Variants in ZNF148 observed in about 807,000 individuals in gnomAD.
ZNF148 encodes Beta-Enolase Repressor Factor-1.
Under a neutral mutation model 67.7 loss-of-function variants are expected in ZNF148, and 7 were observed. That is an observed-to-expected ratio of 0.10 (90% CI 0.06 to 0.19). The LOEUF is 0.19. Among genes scored for constraint, ZNF148 ranks in the 10% least tolerant of loss-of-function variants. The pLI is 1.00. For missense variants in ZNF148, 583 were observed against 947.1 expected (o/e 0.62, Z 5.05); for synonymous variants, 333 against 330.7 (o/e 1.01, Z -0.08).
intron 1 of ZNF148, among the ~76,000 whole-genome samples, chr3:125,352,759 G>C (rs1942201541): frequency 6.6e-6 from 1 of 151,144 alleles, no homozygotes; most frequent in South Asian, 2.1e-4. Flanking sequence ...ATACAGATGT[G>C]ATTATTCTAA....
chr3:125,311,129 C>G lies in ZNF148; in HGVS notation c.333+2179G>C, dbSNP rs891196380. The stretch of plus-strand genomic sequence containing the variant: ...CCTTCTGGATGTTACAGAAGAGTAG[C>G]TCCATGGTTTGGATTAGCTGCAAAA... On this transcript the variant is annotated intron_variant, in intron 4 of 8. Transcript: ENST00000360647. 5.2e-5 allele frequency: 10 copies of G among 190,672 alleles called. No individual in the cohort carries two copies. The Middle Eastern group carries it at 3.9e-3, about 75-fold the overall frequency. The allele number at this position is 190,672 out of a possible 1,614,324, so 11.8% of individuals were successfully genotyped here.
intron 7 of ZNF148, among the ~76,000 whole-genome samples, chr3:125,269,184 A>G (rs1395173190): frequency 7.6e-6 from 1 of 131,946 alleles, no homozygotes; most frequent in Non-Finnish European, 1.6e-5. Flanking sequence ...CCTGGGCAAC[A>G]TGGTGAAGCC....
chr3:125,255,683 C>T lies in ZNF148; in HGVS notation c.668-21354G>A, dbSNP rs565039909. ...TCACCTGAAAACATTTTAATTTTAC[C>T]TTCGTTTTTTATGACTAGTTAGGGA... On this transcript the variant is annotated intron_variant, in intron 7 of 8. Transcript: ENST00000360647. 3.4e-4 allele frequency among the ~76,000 whole-genome samples: 51 copies of T among 151,944 alleles called. No homozygotes were observed. The South Asian group carries it at 0.01, about 31-fold the overall frequency.
chr3:125,261,924 T>C (rs775597509), intron 7 of ZNF148, among the ~76,000 whole-genome samples: 1 of 149,980 alleles, frequency 6.7e-6, no homozygotes, highest in Non-Finnish European at 1.5e-5. Context: ...TACAAACTCA[T>C]ATAAGAGAGA....
intron 5 of ZNF148, among the ~76,000 whole-genome samples, chr3:125,286,895 A>G (rs1270121948): frequency 6.6e-6 from 1 of 152,208 alleles, no homozygotes; most frequent in Non-Finnish European, 1.5e-5. Context: ...AAAATTTGCT[A>G]TTGTAGGCAT....
chr3:125,232,440 T>C lies in ZNF148; in HGVS notation c.2286A>G (p.Thr762=). Residue 762 remains threonine, a synonymous_variant, in exon 9 of 9, where the codon ACA becomes ACG. Transcript: ENST00000360647. This position sits in a 1 kb window ranked among gnomAD's most constrained non-coding sequence, Gnocchi z 4.2. ...NGQVNLRGPG[T]SAEFSEFPLV... ...AGGGAAATTCTGAAAATTCAGCACT[T>C]GTCCCTGGTCCCCGAAGGTTCACCT... The C allele has an allele frequency of 3.7e-6, 6 of 1,613,680 alleles. No homozygotes were observed. Among genetic ancestry groups the C allele is most frequent in the Non-Finnish European group, 4.2e-6 (5 of 1,179,752 alleles).
intron 7 of ZNF148, among the ~76,000 whole-genome samples, chr3:125,274,746 G>A (rs1173531123): frequency 6.6e-6 from 1 of 152,218 alleles, no homozygotes; most frequent in Non-Finnish European, 1.5e-5. Context: ...GACCTAAAGG[G>A]AGAAGGAAGG....
chr3:125,264,630 C>G (rs1424319446), intron 7 of ZNF148, among the ~76,000 whole-genome samples: 1 of 152,176 alleles, frequency 6.6e-6, no homozygotes, highest in Non-Finnish European at 1.5e-5. Flanking sequence ...AGTTTAAAAG[C>G]CATTCTCCTA....
At chr3:125,344,558 C>T in intron 1 of ZNF148, 1 of 983,598 alleles carries the variant, frequency 1.0e-6, no homozygotes, top group Non-Finnish European at 1.6e-6. Flanking sequence ...AAATGACTTC[C>T]ACCTCCTCCT....
At chr3:125,369,261 CAAAAAAAAAAAAAAA>C (rs71148178) in intron 1 of ZNF148, among the ~76,000 whole-genome samples, 1 of 12,888 alleles carries the variant, frequency 7.8e-5, no homozygotes, top group East Asian at 3.0e-3. Context: ...GATCCTGCCT[CAAAAAAAAAAAAAAA>C]AAAAAAAAAA....
chr3:125,328,533 T>C (rs1218302341), intron 2 of ZNF148, among the ~76,000 whole-genome samples: 1 of 152,026 alleles, frequency 6.6e-6, no homozygotes, highest in Non-Finnish European at 1.5e-5. Flanking sequence ...TAATAGTGTG[T>C]AAAATTTAAA....
intron 4 of ZNF148, among the ~76,000 whole-genome samples, chr3:125,290,290 C>T (rs1938936421): frequency 6.6e-6 from 1 of 152,176 alleles, no homozygotes; most frequent in South Asian, 2.1e-4. Flanking sequence ...CCTCTTGCCA[C>T]TCCCTATGCC....
In ZNF148 at chr3:125,230,153, G is replaced by A. The variant is rs1471696242; in HGVS notation, c.*2188C>T. ...CTATGCTGGTGATGTTAAAACAACCGAAAAAAACCTCTCCACTGTATCAAA... is the reference window on the plus strand; with the variant it reads ...CTATGCTGGTGATGTTAAAACAACCAAAAAAAACCTCTCCACTGTATCAAA... On this transcript the variant is annotated 3_prime_UTR_variant, in exon 9 of 9. Transcript: ENST00000360647. The A allele has an allele frequency of 1.3e-5, 2 of 152,228 alleles. No homozygotes were observed. The highest frequency in any genetic ancestry group is 2.4e-5 in the African/African-American group (1 of 41,314). 9.4% of individuals were successfully genotyped at this position (152,228 alleles called of 1,614,324 possible).
Position 125,245,310 on chromosome 3 carries a change from G to A in ZNF148, c.668-10981C>T, listed in dbSNP as rs1936546934. Among the ~76,000 whole-genome samples, 3 of 152,102 alleles carry A rather than the reference G, an allele frequency of 2.0e-5. 1 individual carries two copies. The South Asian group carries it at 6.2e-4, about 32-fold the overall frequency. Reference sequence around the variant, plus strand: ...CCTCATGCCGTTCTCCTGATAGTGAGTTCTCACGAGATCTGACTGCTTTCT... The same window carrying A: ...CCTCATGCCGTTCTCCTGATAGTGAATTCTCACGAGATCTGACTGCTTTCT... On this transcript the variant is annotated intron_variant, in intron 7 of 8. Transcript: ENST00000360647.
chr3:125,351,960 C>T (rs1052059694), intron 1 of ZNF148, among the ~76,000 whole-genome samples: 1 of 152,176 alleles, frequency 6.6e-6, no homozygotes, highest in Non-Finnish European at 1.5e-5. Context: ...AATGGTAAAG[C>T]TGCTTTGAAA....
At chr3:125,369,146 C>T (rs1252557090) in intron 1 of ZNF148, among the ~76,000 whole-genome samples, 10 of 148,926 alleles carry the variant, frequency 6.7e-5, no homozygotes, top group Admixed American at 2.7e-4. Context: ...CCTCTAGTCC[C>T]AGCTACTTGG....
chr3:125,280,844 A>C (rs1938346665), intron 5 of ZNF148, among the ~76,000 whole-genome samples: 1 of 150,570 alleles, frequency 6.6e-6, no homozygotes, highest in Non-Finnish European at 1.5e-5. Flanking sequence ...GGCCAGTGAG[A>C]GGGAAACAAT....
chr3:125,333,733 A>G (rs1017130157), intron 1 of ZNF148, among the ~76,000 whole-genome samples: 8 of 152,378 alleles, frequency 5.3e-5, no homozygotes, highest in Non-Finnish European at 7.3e-5. Context: ...CTTTGATTAT[A>G]AACACTTGGG....
intron 7 of ZNF148, among the ~76,000 whole-genome samples, chr3:125,271,146 G>C (rs1280944161): frequency 6.6e-6 from 1 of 152,012 alleles, no homozygotes; most frequent in Non-Finnish European, 1.5e-5. Flanking sequence ...TTTTTAACAT[G>C]GCAGTTAAAT....
Sources: gnomAD v4.1 joint callset for allele counts (sites outside exome capture counted in the v4.1 genomes callset) on GRCh38, gnomAD v4.1.1 for gene constraint, Gnocchi (gnomAD v3.1) non-coding constraint, MANE v1.5 for transcripts, NCBI Gene and HGNC (gene_info 2026-07-23, HGNC 2026-07-21) for gene names.